ASAP1: variants seen among roughly 807,000 people sequenced by gnomAD.
ASAP1 encodes arf-GAP with SH3 domain, ANK repeat and PH domain-containing protein 1.
ASAP1 carries 43 observed loss-of-function variants against 145.2 expected under a neutral mutation model. The observed-to-expected ratio is 0.30, with a 90% CI of 0.23 to 0.38. ASAP1 has a LOEUF of 0.38. Among genes scored for constraint, ASAP1 ranks in the 10% least tolerant of loss-of-function variants. The pLI is 1.00. For missense variants in ASAP1, 1,018 were observed against 1,355.3 expected (o/e 0.75, Z 3.91); for synonymous variants, 546 against 515.5 (o/e 1.06, Z -0.80).
At chr8:130,108,757 G>GTTTTTTTTTTTTTTTTTTTTTTTT (rs10568607) in intron 24 of ASAP1, among the ~76,000 whole-genome samples, 1 of 51,524 alleles carries the variant, frequency 1.9e-5, no homozygotes, top group African/African-American at 8.3e-5. Flanking sequence ...TCAAAAACCA[G>GTTTTTTTTTTTTTTTTTTTTTTTT]TTTTTTTTTT....
At chr8:130,174,641 C>T (rs1586516237) in intron 9 of ASAP1, among the ~76,000 whole-genome samples, 2 of 152,266 alleles carry the variant, frequency 1.3e-5, no homozygotes, top group South Asian at 4.2e-4. Context: ...GGAGATTGGG[C>T]CAATAACCAA....
chr8:130,358,107 G>T lies in ASAP1; in HGVS notation c.96C>A (p.Ala32=). The T allele has an allele frequency of 6.2e-7, 1 of 1,609,204 alleles. No homozygotes were observed. Residue 32 remains alanine (A), a synonymous_variant, in exon 3 of 30, where the codon GCC becomes GCA. Coordinates refer to ENST00000518721, the MANE Select transcript of ASAP1 (RefSeq NM_018482.4). This position sits in a 1 kb window ranked among gnomAD's most constrained non-coding sequence, Gnocchi z 4.1. ...GCGAGTTGTAGTCCTCGGTGGTCTC[G>T]GCGATGAACTCCGAGACAGAGATCT... ...PDQISVSEFI[A]ETTEDYNSPT...
chr8:130,433,646 T>A (rs1830212210), intron 1 of ASAP1, among the ~76,000 whole-genome samples: 1 of 152,244 alleles, frequency 6.6e-6, no homozygotes, highest in South Asian at 2.1e-4. Context: ...TGCAGGGAAA[T>A]CTGTGCAATG....
chr8:130,228,024 C>T (rs1817685851), intron 4 of ASAP1, among the ~76,000 whole-genome samples: 1 of 152,162 alleles, frequency 6.6e-6, no homozygotes, highest in Non-Finnish European at 1.5e-5. Context: ...TTGTTAGACA[C>T]TATCAACTCC....
intron 3 of ASAP1, among the ~76,000 whole-genome samples, chr8:130,335,394 G>A (rs981550344): frequency 7.9e-5 from 12 of 152,138 alleles, no homozygotes; most frequent in African/African-American, 2.7e-4. Context: ...CCACAGAGAG[G>A]TGTAGTAAAC....
chr8:130,398,339 C>T (rs1586972551), intron 2 of ASAP1, among the ~76,000 whole-genome samples: 1 of 152,162 alleles, frequency 6.6e-6, no homozygotes, highest in South Asian at 2.1e-4. Flanking sequence ...TCCTCTCTGA[C>T]TCTTATCTTC....
chr8:130,250,749 A>C (rs1324855638), intron 3 of ASAP1, among the ~76,000 whole-genome samples: 1 of 152,182 alleles, frequency 6.6e-6, no homozygotes, highest in Non-Finnish European at 1.5e-5. Flanking sequence ...CATAAAAAAA[A>C]CTGATGGAGT....
At chr8:130,123,788 C>T (rs575229743) in intron 18 of ASAP1, among the ~76,000 whole-genome samples, 19 of 152,108 alleles carry the variant, frequency 1.2e-4, no homozygotes, top group African/African-American at 2.9e-4. Flanking sequence ...CCACCACGCC[C>T]GGCTAATTTT....
At chr8:130,086,640 CA>C (rs2097493870) in intron 25 of ASAP1, among the ~76,000 whole-genome samples, 1 of 151,780 alleles carries the variant, frequency 6.6e-6, no homozygotes, top group African/African-American at 2.4e-5. Context: ...CCCGTCTCCA[CA>C]AAAAATACAA....
chr8:130,098,620 T>C (rs954883846), intron 24 of ASAP1, among the ~76,000 whole-genome samples: 4 of 152,156 alleles, frequency 2.6e-5, no homozygotes, highest in Admixed American at 2.0e-4. Context: ...AGTGCCGAGA[T>C]TACAGGTGTG....
chr8:130,100,159 C>T (rs2097526138), intron 24 of ASAP1, among the ~76,000 whole-genome samples: 1 of 152,174 alleles, frequency 6.6e-6, no homozygotes, highest in Non-Finnish European at 1.5e-5. Flanking sequence ...CCTTTCTCTG[C>T]ATCCTCATCA....
intron 12 of ASAP1, among the ~76,000 whole-genome samples, chr8:130,155,068 T>C (rs7462286): frequency 0.16 from 24,898 of 152,202 alleles, 2,693 homozygotes; most frequent in East Asian, 0.43. Flanking sequence ...TCATCCTAAA[T>C]ATCAAACACT....
chr8:130,261,252 A>C (rs1242324902), intron 3 of ASAP1, among the ~76,000 whole-genome samples: 1 of 152,228 alleles, frequency 6.6e-6, no homozygotes, highest in African/African-American at 2.4e-5. Flanking sequence ...CATAGCCCCT[A>C]AACACAGGCC....
At chr8:130,129,689 G>C (rs1310486882) in intron 15 of ASAP1, among the ~76,000 whole-genome samples, 1 of 152,012 alleles carries the variant, frequency 6.6e-6, no homozygotes, top group Non-Finnish European at 1.5e-5. Context: ...GACAGCATAA[G>C]AATTAAAAAC....
At chr8:130,252,243 C>A (rs1819242601) in intron 3 of ASAP1, among the ~76,000 whole-genome samples, 1 of 151,876 alleles carries the variant, frequency 6.6e-6, no homozygotes, top group Non-Finnish European at 1.5e-5. Flanking sequence ...CATAAAATAT[C>A]ATAATTTAGA....
At position 130,151,370 on chromosome 8, in the gene ASAP1, C is replaced by CAAAAAAAAAAAAA. The variant is rs58367856; in HGVS notation, c.1080+1353_1080+1365dup. ...TGGGTGAAAGAGCGAGACTCAGTCT[C>CAAAAAAAAAAAAA]AAAAAAAAAAAAAAAAAAAAAAAAA... On this transcript the variant is annotated intron_variant, in intron 13 of 29. Coordinates refer to ENST00000518721, the MANE Select transcript of ASAP1 (RefSeq NM_018482.4). Among the ~76,000 whole-genome samples the CAAAAAAAAAAAAA allele has an allele frequency of 3.8e-4, 24 of 62,848 alleles. 1 individual carries two copies. The highest frequency in any genetic ancestry group is 6.1e-4 in the East Asian group (1 of 1,644). 41.2% of individuals were successfully genotyped at this position (62,848 alleles called of 152,430 possible). A position where few individuals can be genotyped will look rare whatever the true frequency, so the allele number is the denominator to read the frequency against.
chr8:130,263,211 T>A (rs1051109673), intron 3 of ASAP1, among the ~76,000 whole-genome samples: 1 of 152,138 alleles, frequency 6.6e-6, no homozygotes, highest in Non-Finnish European at 1.5e-5. Flanking sequence ...CACACTTTTC[T>A]CCTAGCTATA....
intron 2 of ASAP1, chr8:130,386,539 A>G (rs1019753381): frequency 6.6e-6 from 1 of 152,284 alleles, no homozygotes; most frequent in African/African-American, 2.4e-5. Context: ...TCCACCCTGT[A>G]GATACACAAT....
chr8:130,428,174 C>T (rs1829994992), intron 1 of ASAP1, among the ~76,000 whole-genome samples: 1 of 152,078 alleles, frequency 6.6e-6, no homozygotes, highest in Non-Finnish European at 1.5e-5. Flanking sequence ...TCTTGAGGAA[C>T]TGTCCCTCTT....
Sources: allele counts gnomAD v4.1 joint callset (sites outside exome capture counted in the v4.1 genomes callset), GRCh38; gene constraint gnomAD v4.1.1; non-coding constraint Gnocchi (gnomAD v3.1); transcripts MANE v1.5; gene names NCBI Gene and HGNC (gene_info 2026-07-23, HGNC 2026-07-21).